The following ARHGAP15 variants were observed in gnomAD, a reference collection of about 807,000 sequenced individuals.
The protein encoded by ARHGAP15 is Rho GTPase activating protein 15.
Under a neutral mutation model 63.7 loss-of-function variants are expected in ARHGAP15, and 51 were observed. The ratio of observed to expected loss-of-function variants is 0.80; its 90% confidence interval spans 0.64 to 1.01. The LOEUF is 1.01. Among genes scored for constraint, ARHGAP15 ranks in the 50% least tolerant of loss-of-function variants. ARHGAP15 has a pLI of 0.00. For synonymous variants in ARHGAP15, 191 were observed against 193.8 expected (o/e 0.99, Z 0.12); for missense variants, 560 against 564.6 (o/e 0.99, Z 0.08).
rs551078383 is a variant in ARHGAP15 at position 143,152,191 on chromosome 2, GA to G, written c.-14-3285del. 2.5e-3 allele frequency among the ~76,000 whole-genome samples: 377 copies of G among 152,062 alleles called. 1 individual carries two copies. The highest frequency in any genetic ancestry group is 8.1e-3 in the African/African-American group (335 of 41,526). On this transcript the variant is annotated intron_variant, in intron 1 of 13. Coordinates refer to ENST00000295095, the MANE Select transcript of ARHGAP15 (RefSeq NM_018460.4). ...AGCGAGATGATCAGATATCCCCACA[GA>G]GAGGTCAAATGCTACCTTCTCTATG...
intron 6 of ARHGAP15, among the ~76,000 whole-genome samples, chr2:143,330,776 A>G (rs1684515003): frequency 6.6e-6 from 1 of 152,228 alleles, no homozygotes; most frequent in African/African-American, 2.4e-5. Context: ...CCATTTCTAA[A>G]GTAATATGTT....
At chr2:143,729,000 A>T (rs1685413123) in intron 13 of ARHGAP15, among the ~76,000 whole-genome samples, 1 of 152,254 alleles carries the variant, frequency 6.6e-6, no homozygotes, top group African/African-American at 2.4e-5. Flanking sequence ...ACGCAGACTT[A>T]AACCGACACT....
intron 11 of ARHGAP15, among the ~76,000 whole-genome samples, chr2:143,571,038 T>C (rs1002989962): frequency 1.3e-5 from 2 of 152,174 alleles, no homozygotes; most frequent in Non-Finnish European, 2.9e-5. Context: ...GCAGTGGCAT[T>C]AATTTCTCAT....
chr2:143,475,254 G>A (rs771472196), intron 8 of ARHGAP15, among the ~76,000 whole-genome samples: 6 of 152,212 alleles, frequency 3.9e-5, no homozygotes, highest in Non-Finnish European at 8.8e-5. Flanking sequence ...GCTGCAAACT[G>A]CAGCTGTCTG....
intron 6 of ARHGAP15, among the ~76,000 whole-genome samples, chr2:143,308,458 C>T (rs114219573): frequency 0.017 from 2,420 of 141,654 alleles, 77 homozygotes; most frequent in African/African-American, 0.059. Context: ...ACCCAGTTTG[C>T]AGGATTGAGT....
chr2:143,379,862 C>G (rs1042383243), intron 6 of ARHGAP15, among the ~76,000 whole-genome samples: 3 of 151,818 alleles, frequency 2.0e-5, no homozygotes, highest in African/African-American at 7.3e-5. Flanking sequence ...GACGTTCTTA[C>G]TCAACATCCA....
At position 143,250,587 on chromosome 2, in the gene ARHGAP15, A is replaced by G. The variant is rs1680107680; in HGVS notation, c.461A>G (p.Lys154Arg). 8.1e-6 allele frequency: 13 copies of G among 1,612,868 alleles called. No homozygotes were observed. Among genetic ancestry groups the G allele is most frequent in the Non-Finnish European group, 1.1e-5 (13 of 1,179,038 alleles). ...TGGGCCAAGGAAAAATCGAGCAGAA[A>G]GAATGTCTTTCAGGTAAGAATGTTA... The part of the protein sequence containing the change: ...IEWAKEKSSR[K>R]NVFQITTVSG... Residue 154 changes from lysine to arginine, a missense_variant, in exon 6 of 14, where the codon AAG becomes AGG. By Grantham distance (26) the Lys-to-Arg change is conservative (BLOSUM62 2). Coordinates refer to ENST00000295095, the MANE Select transcript of ARHGAP15 (RefSeq NM_018460.4).
At chr2:143,166,158 C>T (rs1187580410) in intron 2 of ARHGAP15, among the ~76,000 whole-genome samples, 1 of 152,094 alleles carries the variant, frequency 6.6e-6, no homozygotes, top group African/African-American at 2.4e-5. Context: ...TTCTCATCCA[C>T]AACACAATCT....
At chr2:143,370,134 G>GAATGA (rs1289009770) in intron 6 of ARHGAP15, among the ~76,000 whole-genome samples, 5 of 152,130 alleles carry the variant, frequency 3.3e-5, no homozygotes, top group Non-Finnish European at 7.4e-5. Flanking sequence ...GAACCCTAAG[G>GAATGA]AATGATAACA....
At chr2:143,718,127 A>G (rs1054929342) in intron 13 of ARHGAP15, among the ~76,000 whole-genome samples, 2 of 152,154 alleles carry the variant, frequency 1.3e-5, no homozygotes, top group Non-Finnish European at 2.9e-5. Context: ...AAAAAAGTAC[A>G]TATTATATAT....
intron 2 of ARHGAP15, among the ~76,000 whole-genome samples, chr2:143,166,399 A>G (rs75569847): frequency 0.031 from 4,789 of 152,130 alleles, 133 homozygotes; most frequent in East Asian, 0.12. Context: ...TATTCATTTC[A>G]TCTATTTATT....
chr2:143,413,966 T>TGTGTGCGCGCGCGCGCGCACGC lies in ARHGAP15; in HGVS notation c.475-21634_475-21633insTGTGCGCGCGCGCGCGCACGCG. On this transcript the variant is annotated intron_variant, in intron 6 of 13. Transcript: ENST00000295095. The stretch of plus-strand genomic sequence containing the variant: ...GTGTGTGTGTGTGTGTGTGTGTGTG[T>TGTGTGCGCGCGCGCGCGCACGC]GCGCGCTCTCTGGCAGAAAGTTAAT... 3.0e-3 allele frequency among the ~76,000 whole-genome samples: 349 copies of TGTGTGCGCGCGCGCGCGCACGC among 117,918 alleles called. 1 individual carries two copies. Among genetic ancestry groups the TGTGTGCGCGCGCGCGCGCACGC allele is most frequent in the African/African-American group, 0.012 (340 of 28,240 alleles). The allele number at this position is 117,918 out of a possible 152,430, so 77.4% of individuals were successfully genotyped here.
At chr2:143,420,387 T>C (rs1223921662) in intron 6 of ARHGAP15, among the ~76,000 whole-genome samples, 1 of 152,170 alleles carries the variant, frequency 6.6e-6, no homozygotes, top group Non-Finnish European at 1.5e-5. Flanking sequence ...AGAATTGAGA[T>C]AGCTGGGGGA....
At chr2:143,523,189 T>C (rs544514926) in intron 10 of ARHGAP15, among the ~76,000 whole-genome samples, 1 of 152,228 alleles carries the variant, frequency 6.6e-6, no homozygotes, top group South Asian at 2.1e-4. Context: ...TCATCTTCCA[T>C]GTTACCAGCT....
chr2:143,333,061 C>A (rs1016625852), intron 6 of ARHGAP15, among the ~76,000 whole-genome samples: 12 of 151,126 alleles, frequency 7.9e-5, no homozygotes, highest in African/African-American at 2.9e-4. Context: ...CCTTCACTGG[C>A]AACCTGACCA....
intron 6 of ARHGAP15, among the ~76,000 whole-genome samples, chr2:143,318,240 T>C (rs1432587761): frequency 1.1e-4 from 17 of 152,046 alleles, no homozygotes; most frequent in Admixed American, 1.1e-3. Context: ...TCTCCTGACC[T>C]TGTGATCTGC....
chr2:143,492,458 A>G (rs1264786821), intron 9 of ARHGAP15, among the ~76,000 whole-genome samples: 1 of 152,174 alleles, frequency 6.6e-6, no homozygotes, highest in Non-Finnish European at 1.5e-5. Context: ...GGTAAATTTT[A>G]AAAGTTAAAA....
At chr2:143,632,003 G>A (rs1407739913) in intron 12 of ARHGAP15, among the ~76,000 whole-genome samples, 1 of 151,750 alleles carries the variant, frequency 6.6e-6, no homozygotes, top group Admixed American at 6.6e-5. Context: ...TTTTTCTCTA[G>A]CTGTTTTAGC....
At chr2:143,447,133 G>T (rs946960759) in intron 8 of ARHGAP15, among the ~76,000 whole-genome samples, 1 of 152,050 alleles carries the variant, frequency 6.6e-6, no homozygotes, top group African/African-American at 2.4e-5. Context: ...AGTCCTTTGG[G>T]TATATACCCA....
Sources: gnomAD v4.1 joint callset for allele counts (sites outside exome capture counted in the v4.1 genomes callset) on GRCh38, gnomAD v4.1.1 for gene constraint, MANE v1.5 for transcripts, NCBI Gene and HGNC (gene_info 2026-07-23, HGNC 2026-07-21) for gene names.